The following KCNAB1 variants were observed in gnomAD, a reference collection of about 807,000 sequenced individuals.
KCNAB1 encodes the protein potassium voltage-gated channel subfamily A regulatory beta subunit 1.
A neutral mutation model predicts 64.6 loss-of-function variants in KCNAB1; 35 were observed. The ratio of observed to expected loss-of-function variants is 0.54; its 90% confidence interval spans 0.41 to 0.72. The LOEUF (loss-of-function observed/expected upper bound fraction) is 0.72. Ranked by LOEUF, KCNAB1 falls within the 30% of genes least tolerant of loss-of-function variation. The pLI is 0.00. For missense variants in KCNAB1, 401 were observed against 512.9 expected (o/e 0.78, Z 2.11); for synonymous variants, 177 against 183.8 (o/e 0.96, Z 0.30).
intron 1 of KCNAB1, among the ~76,000 whole-genome samples, chr3:156,400,682 T>C (rs1190671973): frequency 1.3e-5 from 2 of 152,248 alleles, no homozygotes; most frequent in Non-Finnish European, 2.9e-5. Context: ...CCCTGCAATG[T>C]ATATACAATG....
chr3:156,490,398 A>G (rs546506476), intron 8 of KCNAB1, among the ~76,000 whole-genome samples: 1 of 152,254 alleles, frequency 6.6e-6, no homozygotes, highest in Non-Finnish European at 1.5e-5. Flanking sequence ...GAAAGTCTCT[A>G]ACAGGAAAAG....
chr3:156,309,306 A>G (rs545255477), intron 1 of KCNAB1, among the ~76,000 whole-genome samples: 1 of 152,350 alleles, frequency 6.6e-6, no homozygotes, highest in East Asian at 1.9e-4. Context: ...TATCATGTAG[A>G]TACAGCTTTA....
chr3:156,265,659 T>C (rs775563142), intron 1 of KCNAB1, among the ~76,000 whole-genome samples: 2 of 152,214 alleles, frequency 1.3e-5, no homozygotes, highest in Non-Finnish European at 2.9e-5. Flanking sequence ...CTATAGTTAA[T>C]TGGATGGTAG....
At chr3:156,487,587 A>G (rs1715304897) in intron 8 of KCNAB1, among the ~76,000 whole-genome samples, 1 of 152,162 alleles carries the variant, frequency 6.6e-6, no homozygotes, top group South Asian at 2.1e-4. Flanking sequence ...GACAATCCAA[A>G]TATAGTCAGC....
intron 1 of KCNAB1, among the ~76,000 whole-genome samples, chr3:156,170,331 C>G (rs994772333): frequency 2.7e-5 from 4 of 150,496 alleles, no homozygotes; most frequent in African/African-American, 9.8e-5. Context: ...TATTGGCATT[C>G]CGGCTACTAC....
intron 1 of KCNAB1, among the ~76,000 whole-genome samples, chr3:156,290,318 G>A (rs1206661728): frequency 1.3e-5 from 2 of 152,114 alleles, no homozygotes; most frequent in East Asian, 1.9e-4. Context: ...ATACAGTGAT[G>A]GTATTCAGAA....
chr3:156,441,111 T>C (rs1339056846), intron 2 of KCNAB1: 1 of 152,200 alleles, frequency 6.6e-6, no homozygotes, highest in Non-Finnish European at 1.5e-5. Flanking sequence ...TTTCCTTCTT[T>C]TTTTACAACG....
chr3:156,171,377 C>T (rs1480283983), intron 1 of KCNAB1, among the ~76,000 whole-genome samples: 1 of 152,184 alleles, frequency 6.6e-6, no homozygotes, highest in Non-Finnish European at 1.5e-5. Context: ...CATATGACTA[C>T]ATTTTAAACA....
intron 1 of KCNAB1, among the ~76,000 whole-genome samples, chr3:156,277,924 A>T (rs1469605865): frequency 6.6e-6 from 1 of 152,164 alleles, no homozygotes; most frequent in Non-Finnish European, 1.5e-5. Context: ...CTTTTGATGG[A>T]TAGCAACAGG....
chr3:156,249,784 GC>G (rs1282118141), intron 1 of KCNAB1, among the ~76,000 whole-genome samples: 1 of 152,130 alleles, frequency 6.6e-6, no homozygotes, highest in Non-Finnish European at 1.5e-5. Flanking sequence ...TGCTAGTGGG[GC>G]CAGAAAGAGT....
At chr3:156,488,593 T>A (rs1163859792) in intron 8 of KCNAB1, among the ~76,000 whole-genome samples, 1 of 152,096 alleles carries the variant, frequency 6.6e-6, no homozygotes, top group Non-Finnish European at 1.5e-5. Flanking sequence ...ATCTTTGGGC[T>A]CTCTGAATTT....
chr3:156,489,238 A>G (rs778644858), intron 8 of KCNAB1, among the ~76,000 whole-genome samples: 6 of 152,122 alleles, frequency 3.9e-5, no homozygotes, highest in Non-Finnish European at 8.8e-5. Flanking sequence ...AAAAGAAGAT[A>G]TAGAAAGAAA....
At chr3:156,286,377 G>A (rs905716280) in intron 1 of KCNAB1, among the ~76,000 whole-genome samples, 6 of 152,198 alleles carry the variant, frequency 3.9e-5, no homozygotes, top group Non-Finnish European at 5.9e-5. Flanking sequence ...ATACTCACAT[G>A]TTTAAAATTC....
intron 13 of KCNAB1, among the ~76,000 whole-genome samples, chr3:156,533,681 T>C (rs1388352774): frequency 1.3e-5 from 2 of 151,910 alleles, no homozygotes; most frequent in African/African-American, 4.8e-5. Context: ...CGATGGTGGC[T>C]TGAATGAGGG....
chr3:156,304,071 G>A (rs1449508544), intron 1 of KCNAB1, among the ~76,000 whole-genome samples: 1 of 152,116 alleles, frequency 6.6e-6, no homozygotes, highest in Non-Finnish European at 1.5e-5. Flanking sequence ...AAAGTATTTG[G>A]CCTTACTTTA....
chr3:156,408,244 G>A (rs1410754761), intron 1 of KCNAB1, among the ~76,000 whole-genome samples: 1 of 152,138 alleles, frequency 6.6e-6, no homozygotes, highest in Admixed American at 6.5e-5. Flanking sequence ...TTTCTCTAGG[G>A]AATAGCTAAG....
chr3:156,513,237 A>G (rs1717335500), intron 8 of KCNAB1, among the ~76,000 whole-genome samples: 1 of 152,110 alleles, frequency 6.6e-6, no homozygotes, highest in African/African-American at 2.4e-5. Flanking sequence ...ACAACAAAAA[A>G]GTTTACACCA....
At chr3:156,322,921 G>T (rs1180561147) in intron 1 of KCNAB1, among the ~76,000 whole-genome samples, 1 of 152,152 alleles carries the variant, frequency 6.6e-6, no homozygotes, top group African/African-American at 2.4e-5. Flanking sequence ...TACACTATAG[G>T]AGAAGCTGCT....
At chr3:156,180,200 A>G (rs4679764) in intron 1 of KCNAB1, among the ~76,000 whole-genome samples, 85,846 of 152,092 alleles carry the variant, frequency 0.56, 25,026 homozygotes, top group East Asian at 0.9. Flanking sequence ...TGCCAATCCT[A>G]TAAAGTAGTT....
Sources: allele counts gnomAD v4.1 joint callset (sites outside exome capture counted in the v4.1 genomes callset), GRCh38; gene constraint gnomAD v4.1.1; transcripts MANE v1.5; gene names NCBI Gene and HGNC (gene_info 2026-07-23, HGNC 2026-07-21).